Variants in ITPR1 observed in about 807,000 individuals in gnomAD.
The protein encoded by ITPR1 is inositol 1,4,5-trisphosphate receptor type 1, also known as inositol 1,4,5-trisphosphate-gated calcium channel ITPR1.
In ITPR1, 96 loss-of-function variants were observed where a neutral mutation model predicts 318.4. That is an observed-to-expected ratio of 0.30 (90% CI 0.26 to 0.36). The LOEUF is 0.36. ITPR1 is among the 10% of genes least tolerant of loss of function. ITPR1 has a pLI of 1.00. For missense variants in ITPR1, 2,440 were observed against 3,460.2 expected, an observed-to-expected ratio of 0.71 and a Z score of 7.40; for synonymous variants, 1,312 against 1,289.9, an observed-to-expected ratio of 1.02 and a Z score of -0.37.
chr3:4,553,948 C>A (rs975210956), intron 4 of ITPR1, among the ~76,000 whole-genome samples: 1 of 149,126 alleles, frequency 6.7e-6, no homozygotes, highest in Non-Finnish European at 1.5e-5. Flanking sequence ...GCCATGTTGC[C>A]CAGGCTGGTC....
intron 4 of ITPR1, among the ~76,000 whole-genome samples, chr3:4,627,313 A>G (rs1276829187): frequency 6.6e-6 from 1 of 152,176 alleles, no homozygotes; most frequent in Non-Finnish European, 1.5e-5. Flanking sequence ...AAATATAAAA[A>G]ATTAGCCAGG....
chr3:4,626,072 C>T (rs1424802462), intron 4 of ITPR1, among the ~76,000 whole-genome samples: 1 of 151,982 alleles, frequency 6.6e-6, no homozygotes, highest in African/African-American at 2.4e-5. Context: ...CCAGGAGTTC[C>T]AGGCTGTAGT....
intron 2 of ITPR1, 85 bp from the exon 3 acceptor site, chr3:4,516,391 T>G: frequency 1.4e-6 from 1 of 691,102 alleles, no homozygotes. Flanking sequence ...TTTGGAAAAT[T>G]GAGCTAAGCC....
intron 4 of ITPR1, among the ~76,000 whole-genome samples, chr3:4,599,320 G>T (rs948779957): frequency 7.2e-5 from 11 of 152,128 alleles, no homozygotes; most frequent in Non-Finnish European, 1.6e-4. Context: ...TCCTGCTCAC[G>T]CTTGTTTTTT....
chr3:4,804,452 G>T (rs562726280), intron 54 of ITPR1, among the ~76,000 whole-genome samples: 3 of 152,208 alleles, frequency 2.0e-5, no homozygotes, highest in African/African-American at 7.2e-5. Flanking sequence ...GGTGGGGATG[G>T]AAGCCAGATC....
chr3:4,748,445 A>ATT (rs34606150), intron 44 of ITPR1, among the ~76,000 whole-genome samples: 43,490 of 151,352 alleles, frequency 0.29, 6,910 homozygotes, highest in Non-Finnish European at 0.37. Context: ...ATGGAAGCAC[A>ATT]TTTTTTTTTA....
chr3:4,717,204 C>G (rs1028376184), intron 39 of ITPR1, among the ~76,000 whole-genome samples, 163 bp from the exon 40 acceptor site: 1 of 152,230 alleles, frequency 6.6e-6, no homozygotes, highest in African/African-American at 2.4e-5. Context: ...TCACTGTGAG[C>G]TCTGGCCGTG....
At chr3:4,751,997 C>T (rs1231974560) in intron 44 of ITPR1, among the ~76,000 whole-genome samples, 1 of 152,176 alleles carries the variant, frequency 6.6e-6, no homozygotes, top group African/African-American at 2.4e-5. Context: ...TTGAAACTGT[C>T]AGAGGCTCTC....
intron 2 of ITPR1, among the ~76,000 whole-genome samples, chr3:4,501,655 G>T (rs1421618960): frequency 1.3e-5 from 2 of 152,230 alleles, no homozygotes; most frequent in East Asian, 1.9e-4. Context: ...TATTTTCAGT[G>T]AAGTGGAAAG....
intron 26 of ITPR1, among the ~76,000 whole-genome samples, chr3:4,681,847 A>T (rs548100567): frequency 2.1e-4 from 32 of 151,170 alleles, no homozygotes; most frequent in South Asian, 1.5e-3. Context: ...AGCTCCTTAC[A>T]GGCTATGCAA....
intron 15 of ITPR1, among the ~76,000 whole-genome samples, chr3:4,662,837 T>C (rs907545750): frequency 6.6e-6 from 1 of 152,150 alleles, no homozygotes; most frequent in Non-Finnish European, 1.5e-5. Context: ...GAGATAAAAT[T>C]TTGTGTCTGA....
chr3:4,738,074 G>A (rs939224159), intron 44 of ITPR1, among the ~76,000 whole-genome samples: 1 of 152,170 alleles, frequency 6.6e-6, no homozygotes, highest in Admixed American at 6.5e-5. Flanking sequence ...GGTGGAGGTC[G>A]GAAGGAGGGA....
At chr3:4,493,994 G>T (rs2080350672) in intron 1 of ITPR1, among the ~76,000 whole-genome samples, 1 of 151,932 alleles carries the variant, frequency 6.6e-6, no homozygotes, top group Admixed American at 6.6e-5. Context: ...TCCGTGGTTG[G>T]GAGAATAATG....
Position 4,814,822 on chromosome 3 carries a change from G to C in ITPR1, c.7702-231G>C. ...GACTGTTTCCATCAGGGTTAGGCCT[G>C]ATCCACCTGAACGCACAGTGAATAT... On this transcript the variant is annotated intron_variant, in intron 58 of 61. Coordinates refer to ENST00000649015, the MANE Select transcript of ITPR1 (RefSeq NM_001378452.1). 2.2e-5 allele frequency: 13 copies of C among 593,270 alleles called. No individual in the cohort carries two copies. The South Asian group carries it at 2.9e-4, about 13-fold the overall frequency. 36.8% of individuals were successfully genotyped at this position (593,270 alleles called of 1,614,324 possible).
intron 23 of ITPR1, among the ~76,000 whole-genome samples, chr3:4,675,464 G>A (rs182544137): frequency 1.2e-4 from 18 of 152,214 alleles, no homozygotes; most frequent in Admixed American, 2.0e-4. Flanking sequence ...AGTTATTCAC[G>A]TTTTGCTGAA....
chr3:4,681,983 A>G (rs1375612542), intron 26 of ITPR1, among the ~76,000 whole-genome samples: 2 of 152,234 alleles, frequency 1.3e-5, no homozygotes, highest in South Asian at 2.1e-4. Flanking sequence ...TATACCTCCA[A>G]GTATAAAATT....
chr3:4,806,194 T>A lies in ITPR1; in HGVS notation c.7199T>A (p.Phe2400Tyr). The change falls in exon 55 of 62, where the codon TTC (phenylalanine) becomes TAC (tyrosine). Residue 2400 changes from phenylalanine to tyrosine, a missense_variant. This residue lies in a region of ITPR1 where 126 missense variants were observed against 150.8 expected (regional missense o/e 0.84). Transcript: ENST00000649015. ...CGAGCCATGGTTCTGGATGTTGAGTTCCTCTATCATTTGTTGTATCTGGTG... is the reference window on the plus strand; with the variant it reads ...CGAGCCATGGTTCTGGATGTTGAGTACCTCTATCATTTGTTGTATCTGGTG... ...GYRAMVLDVE[F>Y]LYHLLYLVIC... 6.2e-7 allele frequency: 1 copy of A among 1,613,926 alleles called. No individual in the cohort carries two copies. The highest frequency in any genetic ancestry group is 8.5e-7 in the Non-Finnish European group (1 of 1,179,788).
Position 4,658,117 on chromosome 3 carries a change from T to A in ITPR1, c.997-7T>A. On this transcript the variant is annotated splice_polypyrimidine_tract_variant and splice_region_variant and intron_variant, in intron 12 of 61. Coordinates refer to ENST00000649015, the MANE Select transcript of ITPR1 (RefSeq NM_001378452.1). ...TGGTTCTTGATTTGGTGACTTTACC[T>A]CCTCAGGTGGACCCTGATCAGGACG... 6.2e-7 allele frequency: 1 copy of A among 1,604,680 alleles called. No homozygotes were observed.
intron 2 of ITPR1, among the ~76,000 whole-genome samples, chr3:4,503,575 G>T (rs1221267276): frequency 1.3e-5 from 2 of 152,096 alleles, no homozygotes; most frequent in Non-Finnish European, 2.9e-5. Flanking sequence ...GGGACATTTG[G>T]TATCGTCTGG....
Sources: gnomAD v4.1 joint callset for allele counts (sites outside exome capture counted in the v4.1 genomes callset) on GRCh38, gnomAD v4.1.1 for gene constraint, gnomAD v4.1.1 regional missense constraint, MANE v1.5 for transcripts, NCBI Gene and HGNC (gene_info 2026-07-23, HGNC 2026-07-21) for gene names.